The following SLC44A5 variants were observed in gnomAD, a reference collection of about 807,000 sequenced individuals.
SLC44A5 encodes the protein solute carrier family 44 member 5.
Under a neutral mutation model 101.8 loss-of-function variants are expected in SLC44A5, and 57 were observed. The observed-to-expected ratio is 0.56, with a 90% CI of 0.45 to 0.70. The LOEUF (loss-of-function observed/expected upper bound fraction) is 0.70, where lower values mean the gene tolerates loss of function less well. SLC44A5 is among the 30% of genes least tolerant of loss of function. The pLI is 0.00. For missense variants in SLC44A5, 737 were observed against 853.1 expected, an observed-to-expected ratio of 0.86 and a Z score of 1.70; for synonymous variants, 281 against 290.9, an observed-to-expected ratio of 0.97 and a Z score of 0.35.
chr1:75,548,974 A>G (rs1671794677), intron 1 of SLC44A5, among the ~76,000 whole-genome samples: 1 of 152,130 alleles, frequency 6.6e-6, no homozygotes. Flanking sequence ...GGTTTCCCAT[A>G]TCTTCCATCT....
At chr1:75,230,886 G>A (rs573365428) in intron 12 of SLC44A5, among the ~76,000 whole-genome samples, 1 of 152,284 alleles carries the variant, frequency 6.6e-6, no homozygotes, top group South Asian at 2.1e-4. Flanking sequence ...ACAGTGCTAG[G>A]ATTATAGGAG....
At chr1:75,685,862 T>A in the SLC44A5 span, among the ~76,000 whole-genome samples, 10 of 152,190 alleles carry the variant, frequency 6.6e-5, no homozygotes, top group Admixed American at 3.9e-4. Flanking sequence ...AATAAAGGCA[T>A]ACATGAGACT....
At chr1:75,226,099 C>T (rs679258) in intron 13 of SLC44A5, among the ~76,000 whole-genome samples, 134,300 of 152,190 alleles carry the variant, frequency 0.88, 59,486 homozygotes, top group East Asian at 0.99. Context: ...CTGATGAGGA[C>T]GGCTGATTTT....
Position 75,530,387 on chromosome 1 carries a change from T to C in SLC44A5, c.13+11048A>G, listed in dbSNP as rs538214929. 1.4e-4 allele frequency among the ~76,000 whole-genome samples: 21 copies of C among 152,302 alleles called. 1 individual carries two copies. Among genetic ancestry groups the C allele is most frequent in the African/African-American group, 5.1e-4 (21 of 41,580 alleles). ...ACCCAAACTATTGGTAATTTATTAGTAAGTGTAATTTAAAATCAAATGCTT... is the reference window on the plus strand; with the variant it reads ...ACCCAAACTATTGGTAATTTATTAGCAAGTGTAATTTAAAATCAAATGCTT... On this transcript the variant is annotated intron_variant, in intron 2 of 23. Coordinates refer to ENST00000370859, the MANE Select transcript of SLC44A5 (RefSeq NM_001130058.2).
chr1:75,448,859 G>C (rs1665733542), intron 2 of SLC44A5, among the ~76,000 whole-genome samples: 1 of 152,062 alleles, frequency 6.6e-6, no homozygotes, highest in African/African-American at 2.4e-5. Flanking sequence ...TCCTTGACAA[G>C]AACTCTAAAG....
intron 3 of SLC44A5, among the ~76,000 whole-genome samples, chr1:75,363,390 G>C (rs1167264056): frequency 1.3e-5 from 2 of 151,698 alleles, no homozygotes; most frequent in Non-Finnish European, 2.9e-5. Context: ...TGTCTTTTTT[G>C]TGGTTTGGTG....
At chr1:75,362,272 T>C (rs1424286347) in intron 3 of SLC44A5, among the ~76,000 whole-genome samples, 2 of 151,958 alleles carry the variant, frequency 1.3e-5, no homozygotes, top group Non-Finnish European at 2.9e-5. Flanking sequence ...TTCTATTGTT[T>C]TTCTAGTCTC....
intron 3 of SLC44A5, among the ~76,000 whole-genome samples, chr1:75,360,742 T>C (rs187617876): frequency 1.3e-5 from 2 of 152,230 alleles, no homozygotes; most frequent in African/African-American, 4.8e-5. Flanking sequence ...AATCAGGGGG[T>C]GCAATGTCTT....
chr1:75,621,616 T>C, the SLC44A5 span, among the ~76,000 whole-genome samples: 7 of 152,208 alleles, frequency 4.6e-5, no homozygotes, highest in African/African-American at 1.7e-4. Flanking sequence ...TACCGTAGTT[T>C]AGAGAAAAAT....
the SLC44A5 span, chr1:75,641,215 T>C: frequency 3.2e-6 from 1 of 309,816 alleles, no homozygotes; most frequent in Non-Finnish European, 5.9e-6. Context: ...AATATTTTAT[T>C]ATATTTGAAT....
intron 1 of SLC44A5, among the ~76,000 whole-genome samples, chr1:75,570,055 G>A (rs1413359273): frequency 6.6e-6 from 1 of 152,188 alleles, no homozygotes; most frequent in Non-Finnish European, 1.5e-5. Flanking sequence ...AAGCTGAGGT[G>A]TTTGTTCACC....
rs191673207 is a variant in SLC44A5 at position 75,258,589 on chromosome 1, C to T, written c.261-7295G>A. Reference sequence around the variant, plus strand: ...CAGAGCACCTGGAGGAAGGGGCGGTCGGGGGTCCAGCTTCAGCAGACTTAA... The same window carrying T: ...CAGAGCACCTGGAGGAAGGGGCGGTTGGGGGTCCAGCTTCAGCAGACTTAA... On this transcript the variant is annotated intron_variant, in intron 6 of 23. Transcript: ENST00000370859. 2.5e-3 allele frequency among the ~76,000 whole-genome samples: 382 copies of T among 152,188 alleles called. 2 individuals are homozygous for T. The highest frequency in any genetic ancestry group is 8.0e-3 in the African/African-American group (333 of 41,496).
intron 3 of SLC44A5, among the ~76,000 whole-genome samples, chr1:75,348,429 A>T (rs1415959145): frequency 6.6e-6 from 1 of 152,164 alleles, no homozygotes; most frequent in Non-Finnish European, 1.5e-5. Context: ...CTGTCCCTCC[A>T]TACAGTTGGA....
intron 6 of SLC44A5, among the ~76,000 whole-genome samples, chr1:75,269,615 A>G (rs1651291483): frequency 6.6e-6 from 1 of 152,060 alleles, no homozygotes; most frequent in Non-Finnish European, 1.5e-5. Context: ...TTTTATTTTT[A>G]TGAATGGTAT....
At chr1:75,642,148 A>AT in the SLC44A5 span, 5 of 795,568 alleles carry the variant, frequency 6.3e-6, no homozygotes, top group African/African-American at 8.8e-5. Flanking sequence ...GCCTGTAAAT[A>AT]AATAGCATCA....
rs181086424 is a variant in SLC44A5 at position 75,443,582 on chromosome 1, G to T, written c.14-46961C>A. Reference sequence around the variant, plus strand: ...ACTATTGAAGCATTTAAATGACAATGCAAAATCCATATTTTTTTAAAGACC... The same window carrying T: ...ACTATTGAAGCATTTAAATGACAATTCAAAATCCATATTTTTTTAAAGACC... On this transcript the variant is annotated intron_variant, in intron 2 of 23. Coordinates refer to ENST00000370859, the MANE Select transcript of SLC44A5 (RefSeq NM_001130058.2). 2.2e-3 allele frequency among the ~76,000 whole-genome samples: 337 copies of T among 152,016 alleles called. 2 individuals carry two copies. The highest frequency in any genetic ancestry group is 7.4e-3 in the African/African-American group (309 of 41,532).
Position 75,203,224 on chromosome 1 carries a change from T to G in SLC44A5, c.*503A>C, listed in dbSNP as rs937093787. On this transcript the variant is annotated 3_prime_UTR_variant, in exon 24 of 24. Transcript: ENST00000370859. ...TTGGCAATTTGTTTAAGAGGAAACA[T>G]TCTATACTTAAAGAGAGCAAACTCT... 2 of 152,222 alleles carry G rather than the reference T, an allele frequency of 1.3e-5. No individual in the cohort carries two copies. Among genetic ancestry groups the G allele is most frequent in the African/African-American group, 2.4e-5 (1 of 41,466 alleles). The allele number at this position is 152,222 out of a possible 1,614,324, so 9.4% of individuals were successfully genotyped here.
intron 2 of SLC44A5, among the ~76,000 whole-genome samples, chr1:75,474,574 C>T (rs550970821): frequency 2.6e-5 from 4 of 152,214 alleles, no homozygotes; most frequent in South Asian, 4.1e-4. Flanking sequence ...AAGACATTTA[C>T]GTGTAATGTT....
chr1:75,326,511 G>A (rs1224642807), intron 4 of SLC44A5, among the ~76,000 whole-genome samples: 2 of 152,064 alleles, frequency 1.3e-5, no homozygotes, highest in Non-Finnish European at 2.9e-5. Context: ...GATATAGGTG[G>A]TATATAAGGT....
Sources: gnomAD v4.1 joint callset for allele counts (sites outside exome capture counted in the v4.1 genomes callset) on GRCh38, gnomAD v4.1.1 for gene constraint, MANE v1.5 for transcripts, NCBI Gene and HGNC (gene_info 2026-07-23, HGNC 2026-07-21) for gene names.